The following DDX10 variants were observed in gnomAD, a reference collection of about 807,000 sequenced individuals.
DDX10 encodes probable ATP-dependent RNA helicase DDX10.
DDX10 carries 74 observed loss-of-function variants against 104.3 expected under a neutral mutation model. The ratio of observed to expected loss-of-function variants is 0.71; its 90% CI spans 0.59 to 0.86. The LOEUF (loss-of-function observed/expected upper bound fraction) is 0.86, where lower values mean the gene tolerates loss of function less well. Ranked by LOEUF, DDX10 falls within the 40% of genes least tolerant of loss-of-function variation. The probability of loss-of-function intolerance (pLI) is 0.00; values close to 1 mark genes in which losing one functional copy is unlikely to be tolerated. For missense variants in DDX10, 952 were observed against 1,040.0 expected (o/e 0.92, Z 1.16); for synonymous variants, 351 against 353.4 (o/e 0.99, Z 0.08).
intron 5 of DDX10, among the ~76,000 whole-genome samples, chr11:108,678,637 A>ACG (rs1265150652): frequency 6.6e-5 from 10 of 152,270 alleles, no homozygotes; most frequent in African/African-American, 2.4e-4. Context: ...GAATGTATGT[A>ACG]CGCTTATATG....
chr11:108,924,971 A>G (rs374887895), intron 17 of DDX10, among the ~76,000 whole-genome samples: 70 of 152,328 alleles, frequency 4.6e-4, no homozygotes, highest in South Asian at 2.3e-3. Flanking sequence ...GCTTAATTAT[A>G]TAGTGAATTT....
intron 13 of DDX10, among the ~76,000 whole-genome samples, chr11:108,724,446 A>G (rs1255298569): frequency 6.6e-6 from 1 of 152,104 alleles, no homozygotes; most frequent in Non-Finnish European, 1.5e-5. Context: ...GAAGCAATAT[A>G]GTACTGTAGT....
chr11:108,749,293 G>A (rs2094335638), intron 13 of DDX10, among the ~76,000 whole-genome samples: 1 of 152,018 alleles, frequency 6.6e-6, no homozygotes, highest in African/African-American at 2.4e-5. Context: ...GTGAAACAGG[G>A]ATTTGGTTCA....
In DDX10 at chr11:108,802,346, A is replaced by G. The variant is rs145308635; in HGVS notation, c.1966-36100A>G. Among the ~76,000 whole-genome samples the G allele has an allele frequency of 1.9e-4, 29 of 152,276 alleles. No homozygotes were observed. The East Asian group carries it at 5.4e-3, about 28-fold the overall frequency. ...GGATTTGGGATGCTTAACCTTCAAT[A>G]GTGAGTTTATGTAACTTAAAATGTA... On this transcript the variant is annotated intron_variant, in intron 13 of 17. Transcript: ENST00000322536.
intron 7 of DDX10, chr11:108,690,798 CT>C: frequency 8.1e-6 from 2 of 248,048 alleles, no homozygotes; most frequent in Non-Finnish European, 1.6e-5. Context: ...TCTTCATGTC[CT>C]TCACCAAGCA....
rs985757065 is a variant in DDX10, at chr11:108,932,002, G to A, written c.2451-8244G>A. ...TCTGGTTTTTGGTTTTGTTTATTTC[G>A]CACAGTGCTTGTTTTATATGTCAGC... On this transcript the variant is annotated intron_variant, in intron 17 of 17. Coordinates refer to ENST00000322536, the MANE Select transcript of DDX10 (RefSeq NM_004398.4). Among the ~76,000 whole-genome samples the A allele has an allele frequency of 5.3e-5, 8 of 151,818 alleles. 1 individual carries two copies. The highest frequency in any genetic ancestry group is 1.9e-4 in the East Asian group (1 of 5,180).
At chr11:108,723,779 G>A (rs2094301817) in intron 13 of DDX10, among the ~76,000 whole-genome samples, 1 of 152,172 alleles carries the variant, frequency 6.6e-6, no homozygotes. Flanking sequence ...TTTATGGCAT[G>A]AGGATCCTTC....
In DDX10 at chr11:108,841,446, A is replaced by G. The variant is rs1862637080; in HGVS notation, c.2217A>G (p.Glu739=). Residue 739 remains glutamate, a synonymous_variant, in exon 15 of 18, where the codon GAA becomes GAG. Transcript: ENST00000322536. The part of the protein sequence containing the change: ...LQEEDKFDKE[E]YRKKIKAKHR... ...AAGAGGACAAATTTGACAAAGAAGAATATAGGAAAAAAATTAAGGCAAAGC... is the reference window on the plus strand; with the variant it reads ...AAGAGGACAAATTTGACAAAGAAGAGTATAGGAAAAAAATTAAGGCAAAGC... 6.2e-7 allele frequency: 1 copy of G among 1,613,808 alleles called. No homozygotes were observed. The highest frequency in any genetic ancestry group is 1.1e-5 in the South Asian group (1 of 91,038).
chr11:108,761,166 T>C (rs2094350386), intron 13 of DDX10, among the ~76,000 whole-genome samples: 1 of 152,132 alleles, frequency 6.6e-6, no homozygotes, highest in South Asian at 2.1e-4. Context: ...GCCTTTTCTT[T>C]TCCTAATGGC....
At chr11:108,939,998 C>T (rs1864086094) in intron 17 of DDX10, among the ~76,000 whole-genome samples, 1 of 152,138 alleles carries the variant, frequency 6.6e-6, no homozygotes, top group African/African-American at 2.4e-5. Context: ...ACAGCTGTAA[C>T]TTCCTAGAAT....
intron 13 of DDX10, among the ~76,000 whole-genome samples, chr11:108,757,956 A>G (rs1356582987): frequency 1.3e-5 from 2 of 152,066 alleles, no homozygotes; most frequent in Non-Finnish European, 2.9e-5. Context: ...ACTTTAAACC[A>G]GAATTAATTT....
At chr11:108,814,801 A>G (rs934670397) in intron 13 of DDX10, among the ~76,000 whole-genome samples, 4 of 152,226 alleles carry the variant, frequency 2.6e-5, no homozygotes, top group Admixed American at 2.6e-4. Context: ...GAAATCAGCT[A>G]ATATTTATCT....
chr11:108,740,046 C>T (rs2094323294), intron 13 of DDX10, among the ~76,000 whole-genome samples: 1 of 146,884 alleles, frequency 6.8e-6, no homozygotes, highest in South Asian at 2.2e-4. Flanking sequence ...AGGTAAATTG[C>T]ATGTCATGGG....
At chr11:108,862,260 G>A (rs1862951549) in intron 16 of DDX10, among the ~76,000 whole-genome samples, 1 of 152,176 alleles carries the variant, frequency 6.6e-6, no homozygotes, top group South Asian at 2.1e-4. Flanking sequence ...CTGGCACCAA[G>A]TGATCCTCCC....
At chr11:108,783,204 T>A (rs1247077299) in intron 13 of DDX10, among the ~76,000 whole-genome samples, 2 of 151,318 alleles carry the variant, frequency 1.3e-5, no homozygotes, top group East Asian at 3.9e-4. Context: ...ATGAGACTGT[T>A]TCAGTCATCT....
rs12271265 is a variant in DDX10, at chr11:108,702,429, G to C, written c.1224-4310G>C. On this transcript the variant is annotated intron_variant, in intron 9 of 17. Transcript: ENST00000322536. ...TAAGAGAACTGAGGGTGGCTAGGCA[G>C]TTGTGAATAGCGTATCACAGACCAT... Among the ~76,000 whole-genome samples, 613 of 152,300 alleles carry C rather than the reference G, an allele frequency of 4.0e-3. 6 individuals are homozygous for C. Among genetic ancestry groups the C allele is most frequent in the African/African-American group, 0.014 (580 of 41,554 alleles).
intron 13 of DDX10, among the ~76,000 whole-genome samples, chr11:108,816,203 G>A (rs972626638): frequency 6.6e-6 from 1 of 152,144 alleles, no homozygotes; most frequent in Non-Finnish European, 1.5e-5. Context: ...TACCCCCAAG[G>A]CTTTGCCTTA....
chr11:108,701,337 C>T (rs1255522062), intron 9 of DDX10, among the ~76,000 whole-genome samples: 1 of 151,954 alleles, frequency 6.6e-6, no homozygotes, highest in African/African-American at 2.4e-5. Context: ...GGATGGTTGT[C>T]ATAGGTAAGG....
chr11:108,876,481 G>C (rs1863155605), intron 16 of DDX10, among the ~76,000 whole-genome samples: 2 of 152,130 alleles, frequency 1.3e-5, no homozygotes, highest in Non-Finnish European at 1.5e-5. Context: ...AGTTACAGAG[G>C]AACTATGGAT....
Sources: gnomAD v4.1 joint callset for allele counts (sites outside exome capture counted in the v4.1 genomes callset) on GRCh38, gnomAD v4.1.1 for gene constraint, MANE v1.5 for transcripts, NCBI Gene and HGNC (gene_info 2026-07-23, HGNC 2026-07-21) for gene names.